PRKD2: variants seen among roughly 807,000 people sequenced by gnomAD.
The protein encoded by PRKD2 is serine/threonine-protein kinase D2.
In PRKD2, 22 loss-of-function variants were observed where a neutral mutation model predicts 86.0. The ratio of observed to expected loss-of-function variants is 0.26; its 90% CI spans 0.18 to 0.37. PRKD2 has a LOEUF of 0.37. Among genes scored for constraint, PRKD2 ranks in the 10% least tolerant of loss-of-function variants. PRKD2 has a pLI of 1.00. For synonymous variants in PRKD2, 509 were observed against 510.9 expected, an observed-to-expected ratio of 1.00 and a Z score of 0.05; for missense variants, 818 against 1,199.2, an observed-to-expected ratio of 0.68 and a Z score of 4.70.
intron 7 of PRKD2, among the ~76,000 whole-genome samples, 197 bp from the exon 8 acceptor site, chr19:46,698,047 GCTGGAA>G (rs2053586677): frequency 6.6e-6 from 1 of 152,128 alleles, no homozygotes; most frequent in African/African-American, 2.4e-5. Context: ...TGTCACCCAG[GCTGGAA>G]TGCAGTGGTG....
At chr19:46,712,409 C>G (rs2053822714) in intron 2 of PRKD2, among the ~76,000 whole-genome samples, 1 of 151,522 alleles carries the variant, frequency 6.6e-6, no homozygotes, top group African/African-American at 2.4e-5. Context: ...CGTGTGGTAG[C>G]AGGCGCCTGT....
chr19:46,704,206 G>T lies in PRKD2; in HGVS notation c.852C>A (p.Leu284=), dbSNP rs911924741. The T allele has an allele frequency of 6.2e-7, 1 of 1,614,164 alleles. No homozygotes were observed. The highest frequency in any genetic ancestry group is 1.1e-5 in the South Asian group (1 of 91,082). Residue 284 remains leucine, a synonymous_variant, in exon 5 of 18, where the codon CTC becomes CTA. Coordinates refer to ENST00000291281, the MANE Select transcript of PRKD2 (RefSeq NM_016457.5). ...GGCCCTGCCGGAAGAGGCCCTTGAG[G>T]AGTTTCTTGCAAGCCTGGCAAACGG... ...RPTVCQACKK[L]LKGLFRQGLQ...
At chr19:46,690,845 T>C in intron 12 of PRKD2, 139 bp from the exon 13 acceptor site, 1 of 709,994 alleles carries the variant, frequency 1.4e-6, no homozygotes, top group South Asian at 1.8e-5. Flanking sequence ...CCCCAGGAGA[T>C]ACGTGAAAAG....
Position 46,716,466 on chromosome 19 carries a change from G to A in PRKD2, c.-96C>T. The stretch of plus-strand genomic sequence containing the variant: ...GTTCTAGATCCGCGGGATCTCGTGA[G>A]CAGGTGGTGGGAGAGCGGGGATCCG... On this transcript the variant is annotated 5_prime_UTR_variant, in exon 1 of 18. Coordinates refer to ENST00000291281, the MANE Select transcript of PRKD2 (RefSeq NM_016457.5). This position sits in a 1 kb window ranked among gnomAD's most constrained non-coding sequence, Gnocchi z 7.9. The A allele has an allele frequency of 1.6e-6, 1 of 623,558 alleles. No individual in the cohort carries two copies. The highest frequency in any genetic ancestry group is 3.8e-5 in the Admixed American group (1 of 26,330). 38.6% of individuals were successfully genotyped at this position (623,558 alleles called of 1,614,324 possible).
intron 3 of PRKD2, chr19:46,710,559 A>C (rs964792992): frequency 1.3e-5 from 3 of 233,760 alleles, no homozygotes; most frequent in South Asian, 1.2e-4. Flanking sequence ...CTCAATATAT[A>C]TCTCCTCCTG....
Position 46,678,265 on chromosome 19 carries a change from C to T in PRKD2, c.2338+131G>A, listed in dbSNP as rs757498782. The T allele has an allele frequency of 2.1e-5, 29 of 1,385,202 alleles. No homozygotes were observed. The highest frequency in any genetic ancestry group is 2.7e-5 in the Non-Finnish European group (28 of 1,032,184). The allele number at this position is 1,385,202 out of a possible 1,614,324, so 85.8% of individuals were successfully genotyped here. Reference sequence around the variant, plus strand: ...TGTAGCCACATCCCTCCAGTAGGCCCGCCCCAGCACTGGGCTCCACCCCCA... The same window carrying T: ...TGTAGCCACATCCCTCCAGTAGGCCTGCCCCAGCACTGGGCTCCACCCCCA... On this transcript the variant is annotated intron_variant, in intron 16 of 17. Transcript: ENST00000291281. The surrounding 1 kb of genome is among the most constrained non-coding windows in gnomAD (Gnocchi z 5.7).
chr19:46,700,645 T>A (rs1471691809), intron 7 of PRKD2, among the ~76,000 whole-genome samples, 154 bp downstream of exon 7: 1 of 151,976 alleles, frequency 6.6e-6, no homozygotes. Flanking sequence ...AAAAATTATT[T>A]AAAAAAAATT....
Position 46,714,478 on chromosome 19 carries a change from G to GGGC in PRKD2, c.241-478_241-477insGCC, listed in dbSNP as rs1043941612. The GGGC allele has an allele frequency of 7.8e-4, 32 of 40,808 alleles. 6 individuals carry two copies. The highest frequency in any genetic ancestry group is 7.3e-3 in the African/African-American group (32 of 4,370). 2.5% of individuals were successfully genotyped at this position (40,808 alleles called of 1,614,324 possible). On this transcript the variant is annotated intron_variant, in intron 1 of 17. Coordinates refer to ENST00000291281, the MANE Select transcript of PRKD2 (RefSeq NM_016457.5). ...GACTTTTCGGGGCTCCTGGGAAAGT[G>GGGC]GGGGGGGGGGCCGGGGGACTTGGAC...
At chr19:46,710,735 C>T (rs2053793613) in intron 3 of PRKD2, 172 bp downstream of exon 3, 1 of 808,788 alleles carries the variant, frequency 1.2e-6, no homozygotes, top group African/African-American at 1.7e-5. Flanking sequence ...CCACTCCTTC[C>T]CCAAGCTCTG....
At chr19:46,713,186 C>CT (rs59172459) in intron 2 of PRKD2, among the ~76,000 whole-genome samples, 4,828 of 118,982 alleles carry the variant, frequency 0.041, 138 homozygotes, top group East Asian at 0.15. Flanking sequence ...GCCCGGTTAA[C>CT]TTTTTTTTTT....
At chr19:46,702,948 C>G (rs139125604) in intron 5 of PRKD2, among the ~76,000 whole-genome samples, 2 of 152,226 alleles carry the variant, frequency 1.3e-5, no homozygotes, top group Non-Finnish European at 2.9e-5. Flanking sequence ...CTTGGCCTCC[C>G]AAAGTGCTGA....
rs751314795 is a variant in PRKD2, at chr19:46,692,021, C to T, written c.1577-36G>A. ...GGGAGAGACAGAGGTGAGGGGACTC[C>T]AGGCTCAGGATTATCTCCACCCATA... On this transcript the variant is annotated intron_variant, in intron 10 of 17. Transcript: ENST00000291281. The T allele has an allele frequency of 1.9e-6, 3 of 1,597,036 alleles. No individual in the cohort carries two copies. In the South Asian group the frequency reaches 3.3e-5, roughly 18 times the overall value.
Position 46,680,946 on chromosome 19 carries a change from A to ATAT in PRKD2, c.2070+703_2070+704insATA. ...AAACTATATATATATATATATATAT[A>ATAT]TTTTTTTTTTTTTTTTTGAGACAGA... On this transcript the variant is annotated intron_variant, in intron 15 of 17. Transcript: ENST00000291281. Among the ~76,000 whole-genome samples, 259 of 48,244 alleles carry ATAT rather than the reference A, an allele frequency of 5.4e-3. 9 individuals are homozygous for ATAT. The highest frequency in any genetic ancestry group is 0.046 in the East Asian group (103 of 2,240). 31.6% of individuals were successfully genotyped at this position (48,244 alleles called of 152,430 possible).
In PRKD2 at chr19:46,704,760, C is replaced by G. The variant is rs185313998; in HGVS notation, c.512-111G>C. 2,179 of 1,364,002 alleles carry G rather than the reference C, an allele frequency of 1.6e-3. 30 individuals carry two copies. In the African/African-American group the frequency reaches 0.026, roughly 17 times the overall value. 84.5% of individuals were successfully genotyped at this position (1,364,002 alleles called of 1,614,324 possible). A position where few individuals can be genotyped will look rare whatever the true frequency, so the allele number is the denominator to read the frequency against. On this transcript the variant is annotated intron_variant, in intron 3 of 17. Transcript: ENST00000291281. ...TCTCACCTGGTCCTGTCCCATCACCCCCCGCCAGCACGATCTCCTCCAAAA... is the reference window on the plus strand; with the variant it reads ...TCTCACCTGGTCCTGTCCCATCACCGCCCGCCAGCACGATCTCCTCCAAAA...
In PRKD2 at chr19:46,716,295, G is replaced by C; in HGVS notation, c.76C>G (p.Leu26Val). 2 of 1,548,998 alleles carry C rather than the reference G, an allele frequency of 1.3e-6. No individual in the cohort carries two copies. Among genetic ancestry groups the C allele is most frequent in the Non-Finnish European group, 1.7e-6 (2 of 1,149,612 alleles). The change falls in exon 1 of 18, where the codon CTA becomes GTA. Residue 26 changes from leucine (L) to valine (V), a missense_variant. This residue lies in a region of PRKD2 where 403 missense variants were observed against 518.6 expected (regional missense o/e 0.78). Coordinates refer to ENST00000291281, the MANE Select transcript of PRKD2 (RefSeq NM_016457.5). The surrounding 1 kb of genome is among the most constrained non-coding windows in gnomAD (Gnocchi z 7.9). ...AGCGGTGGCGGCGACTGCAGCTCTAGGCCGCCGGGGGGCGGAGGAGACCCC... is the reference window on the plus strand; with the variant it reads ...AGCGGTGGCGGCGACTGCAGCTCTACGCCGCCGGGGGGCGGAGGAGACCCC... ...GPGSPPPPGG[L>V]ELQSPPPLLP...
At chr19:46,711,717 T>C (rs2053811755) in intron 2 of PRKD2, among the ~76,000 whole-genome samples, 1 of 152,150 alleles carries the variant, frequency 6.6e-6, no homozygotes, top group Non-Finnish European at 1.5e-5. Flanking sequence ...TTATGTTATG[T>C]ATATTTTACC....
In PRKD2 at chr19:46,691,778, A is replaced by G. The variant is rs770369593; in HGVS notation, c.1659T>C (p.Pro553=). 1 of 1,613,684 alleles carries G rather than the reference A, an allele frequency of 6.2e-7. No homozygotes were observed. Among genetic ancestry groups the G allele is most frequent in the Non-Finnish European group, 8.5e-7 (1 of 1,180,030 alleles). ...VDIATVYQIF[P]DEVLGSGQFG... Reference sequence around the variant, plus strand: ...ACTGCCCTGAGCCCAGCACTTCGTCAGGGAAGATCTGGTAGACAGTGGCAA... The same window carrying G: ...ACTGCCCTGAGCCCAGCACTTCGTCGGGGAAGATCTGGTAGACAGTGGCAA... Residue 553 remains proline (P), a synonymous_variant, in exon 12 of 18, where the codon CCT becomes CCC. Transcript: ENST00000291281.
intron 14 of PRKD2, 114 bp from the exon 15 acceptor site, chr19:46,681,862 C>CA (rs1270296930): frequency 3.4e-6 from 2 of 586,854 alleles, no homozygotes; most frequent in African/African-American, 4.0e-5. Flanking sequence ...TTTTTTGAGA[C>CA]AGAGTCTCGC....
At chr19:46,684,602 C>T (rs1382775698) in intron 14 of PRKD2, among the ~76,000 whole-genome samples, 1 of 152,162 alleles carries the variant, frequency 6.6e-6, no homozygotes, top group Non-Finnish European at 1.5e-5. Context: ...GGATGACAGG[C>T]GTGAGCCACC....
Sources: allele counts gnomAD v4.1 joint callset (sites outside exome capture counted in the v4.1 genomes callset), GRCh38; gene constraint gnomAD v4.1.1; regional missense constraint gnomAD v4.1.1; non-coding constraint Gnocchi (gnomAD v3.1); transcripts MANE v1.5; gene names NCBI Gene and HGNC (gene_info 2026-07-23, HGNC 2026-07-21).